The following MIER1 variants were observed in gnomAD, a reference collection of about 807,000 sequenced individuals.
MIER1 encodes MIER1 transcriptional regulator, also known as mesoderm induction early response protein 1.
Under a neutral mutation model 75.7 loss-of-function variants are expected in MIER1, and 40 were observed. The ratio of observed to expected loss-of-function variants is 0.53; its 90% CI spans 0.41 to 0.69. The LOEUF (loss-of-function observed/expected upper bound fraction) is 0.69, where lower values mean the gene tolerates loss of function less well. Ranked by LOEUF, MIER1 falls within the 30% of genes least tolerant of loss-of-function variation. The probability of loss-of-function intolerance (pLI) is 0.00; values close to 1 mark genes in which losing one functional copy is unlikely to be tolerated. For synonymous variants in MIER1, 213 were observed against 223.4 expected, an observed-to-expected ratio of 0.95 and a Z score of 0.42; for missense variants, 574 against 680.2, an observed-to-expected ratio of 0.84 and a Z score of 1.74.
chr1:66,954,193 T>A (rs186983961), intron 4 of MIER1, among the ~76,000 whole-genome samples: 123 of 152,322 alleles, frequency 8.1e-4, no homozygotes, highest in African/African-American at 2.8e-3. Flanking sequence ...TAGCAGTGGA[T>A]TCCCACATGG....
intron 4 of MIER1, chr1:66,946,729 T>C: frequency 1.0e-6 from 1 of 985,842 alleles, no homozygotes; most frequent in Non-Finnish European, 1.2e-6. Flanking sequence ...TGCTCTAGAT[T>C]ATCTCCACCT....
chr1:66,966,864 G>T (rs1191706748), intron 8 of MIER1, among the ~76,000 whole-genome samples: 3 of 152,102 alleles, frequency 2.0e-5, no homozygotes, highest in Admixed American at 2.0e-4. Context: ...CAGATTATTA[G>T]ACTTTTTTCA....
chr1:66,964,152 A>G (rs981503030), intron 8 of MIER1, among the ~76,000 whole-genome samples: 25 of 148,866 alleles, frequency 1.7e-4, no homozygotes, highest in Non-Finnish European at 3.3e-4. Flanking sequence ...GCTCACTGCA[A>G]CCTCCACCTC....
chr1:66,951,788 T>A (rs1192425390), intron 4 of MIER1, among the ~76,000 whole-genome samples: 1 of 152,186 alleles, frequency 6.6e-6, no homozygotes, highest in African/African-American at 2.4e-5. Flanking sequence ...CCCACTTTCC[T>A]TATTTCTCAC....
intron 11 of MIER1, among the ~76,000 whole-genome samples, chr1:66,973,392 T>C (rs1165061048): frequency 3.9e-5 from 6 of 152,132 alleles, no homozygotes; most frequent in African/African-American, 1.4e-4. Flanking sequence ...TTTATTACAT[T>C]TGCTTAAGTC....
Position 66,946,420 on chromosome 1 carries a change from G to T in MIER1, c.339+125G>T, listed in dbSNP as rs780231334. Reference sequence around the variant, plus strand: ...TATATATTAATGACTGAAAAATTTTGTGTGATCATAGGTGGGATATTTAAA... The same window carrying T: ...TATATATTAATGACTGAAAAATTTTTTGTGATCATAGGTGGGATATTTAAA... On this transcript the variant is annotated intron_variant, in intron 4 of 13. Transcript: ENST00000401041. 2.2e-6 allele frequency: 3 copies of T among 1,395,236 alleles called. No homozygotes were observed. The African/African-American group carries it at 4.5e-5, about 21-fold the overall frequency. 86.4% of individuals were successfully genotyped at this position (1,395,236 alleles called of 1,614,324 possible). A position where few individuals can be genotyped will look rare whatever the true frequency, so the allele number is the denominator to read the frequency against.
intron 8 of MIER1, among the ~76,000 whole-genome samples, chr1:66,969,616 T>C (rs1663194955): frequency 6.6e-6 from 1 of 151,664 alleles, no homozygotes; most frequent in Non-Finnish European, 1.5e-5. Flanking sequence ...TAGCTGTTAA[T>C]TTCTTTTCAT....
At chr1:66,938,799 A>G (rs565112530) in intron 2 of MIER1, among the ~76,000 whole-genome samples, 3 of 152,268 alleles carry the variant, frequency 2.0e-5, no homozygotes, top group South Asian at 2.1e-4. Flanking sequence ...AGACAATGCT[A>G]TAGGAAGGAA....
At chr1:66,956,567 C>T (rs1660174854) in intron 4 of MIER1, among the ~76,000 whole-genome samples, 1 of 152,170 alleles carries the variant, frequency 6.6e-6, no homozygotes, top group Admixed American at 6.5e-5. Context: ...GATACTTGAA[C>T]ACTTAAAGCA....
Position 66,985,185 on chromosome 1 carries a change from A to G in MIER1, c.*285A>G. The G allele has an allele frequency of 1.0e-6, 1 of 983,926 alleles. No homozygotes were observed. Among genetic ancestry groups the G allele is most frequent in the South Asian group, 4.6e-5 (1 of 21,788 alleles). The allele number at this position is 983,926 out of a possible 1,614,324, so 60.9% of individuals were successfully genotyped here. A position where few individuals can be genotyped will look rare whatever the true frequency, so the allele number is the denominator to read the frequency against. On this transcript the variant is annotated 3_prime_UTR_variant, in exon 14 of 14. Transcript: ENST00000401041. ...ATCTTTAGTTCATTCAGATTTACTA[A>G]TTTTGGTAAATCTGAATGAACTAAA... is the stretch of plus-strand genomic sequence containing the variant.
chr1:66,970,774 G>A lies in MIER1; in HGVS notation c.773-34G>A, dbSNP rs766477832. The stretch of plus-strand genomic sequence containing the variant: ...TTAACACAAACTCTATCAGTTTTTA[G>A]AAATTTGTTTAACATTGTCTTTTAC... On this transcript the variant is annotated intron_variant, in intron 8 of 13. Coordinates refer to ENST00000401041, the MANE Select transcript of MIER1 (RefSeq NM_001077700.3). 19 of 1,480,072 alleles carry A rather than the reference G, an allele frequency of 1.3e-5. No individual in the cohort carries two copies. The Middle Eastern group carries it at 1.3e-3, about 98-fold the overall frequency. 91.7% of individuals were successfully genotyped at this position (1,480,072 alleles called of 1,614,324 possible).
chr1:66,981,192 A>G (rs1008348572), intron 12 of MIER1, among the ~76,000 whole-genome samples: 2 of 152,196 alleles, frequency 1.3e-5, no homozygotes, highest in Non-Finnish European at 2.9e-5. Context: ...ACAGTTACGT[A>G]GTTCAGGAAT....
At position 66,968,936 on chromosome 1, in the gene MIER1, A is replaced by T. The variant is rs376999243; in HGVS notation, c.773-1872A>T. The stretch of plus-strand genomic sequence containing the variant: ...ATTATTTCCGAATTAGGGTTTCCTT[A>T]TATGGCCTTGTCTACCCCAAAGATC... On this transcript the variant is annotated intron_variant, in intron 8 of 13. Transcript: ENST00000401041. 2.8e-4 allele frequency among the ~76,000 whole-genome samples: 43 copies of T among 152,314 alleles called. 1 individual carries two copies. In the Middle Eastern group the frequency reaches 0.017, roughly 60 times the overall value.
intron 3 of MIER1, among the ~76,000 whole-genome samples, chr1:66,941,325 T>C (rs1034083540): frequency 6.6e-6 from 1 of 152,218 alleles, no homozygotes; most frequent in Admixed American, 6.5e-5. Flanking sequence ...TTTTTGAACT[T>C]TGTTTTATAA....
At chr1:66,960,773 C>T (rs1661099756) in intron 7 of MIER1, among the ~76,000 whole-genome samples, 1 of 152,094 alleles carries the variant, frequency 6.6e-6, no homozygotes, top group African/African-American at 2.4e-5. Flanking sequence ...CGACAGAAAA[C>T]AAGAATCACA....
At chr1:66,935,256 T>G (rs902829378) in intron 2 of MIER1, among the ~76,000 whole-genome samples, 4 of 152,218 alleles carry the variant, frequency 2.6e-5, no homozygotes, top group Admixed American at 6.5e-5. Context: ...TCAGCAAATC[T>G]GAGGCATTGA....
Position 66,958,834 on chromosome 1 carries a change from A to C in MIER1, c.502-17A>C, listed in dbSNP as rs1002287485. ...TTTTCCTTACATCTTAGAGAAATTT[A>C]ATTTATTATTCCACAGGAGGAGAAT... On this transcript the variant is annotated splice_polypyrimidine_tract_variant and intron_variant, in intron 5 of 13. Transcript: ENST00000401041. The C allele has an allele frequency of 1.9e-6, 3 of 1,583,386 alleles. No homozygotes were observed. The highest frequency in any genetic ancestry group is 1.4e-5 in the African/African-American group (1 of 73,796).
chr1:66,979,811 C>T (rs1665526261), intron 12 of MIER1, among the ~76,000 whole-genome samples: 1 of 150,888 alleles, frequency 6.6e-6, no homozygotes, highest in Non-Finnish European at 1.5e-5. Context: ...GCCCAGGCTG[C>T]TGGAGTACAG....
At chr1:66,930,415 T>TC in intron 2 of MIER1, 4 of 1,604,682 alleles carry the variant, frequency 2.5e-6, no homozygotes, top group Non-Finnish European at 3.4e-6. Context: ...GGGAGCGAGC[T>TC]CCCCCTCCCT....
Sources: allele counts gnomAD v4.1 joint callset (sites outside exome capture counted in the v4.1 genomes callset), GRCh38; gene constraint gnomAD v4.1.1; transcripts MANE v1.5; gene names NCBI Gene and HGNC (gene_info 2026-07-23, HGNC 2026-07-21).